PTPRD: variants seen among roughly 807,000 people sequenced by gnomAD.
PTPRD encodes the protein protein tyrosine phosphatase receptor type D, also known as receptor-type tyrosine-protein phosphatase delta.
Under a neutral mutation model 214.5 loss-of-function variants are expected in PTPRD, and 34 were observed. The observed-to-expected ratio is 0.16, with a 90% confidence interval of 0.12 to 0.21. The LOEUF (loss-of-function observed/expected upper bound fraction) is 0.21, where lower values mean the gene tolerates loss of function less well. PTPRD is among the 10% of genes least tolerant of loss of function. The pLI is 1.00. For missense variants in PTPRD, 2,545 were observed against 2,398.7 expected (o/e 1.06, Z -1.27); for synonymous variants, 1,128 against 845.7 (o/e 1.33, Z -5.79).
intron 11 of PTPRD, chr9:8,860,197 G>C (rs556509567): frequency 6.6e-6 from 1 of 152,210 alleles, no homozygotes; most frequent in African/African-American, 2.4e-5. Flanking sequence ...TGTGGGAAAT[G>C]TATCACTCTG....
At chr9:8,677,679 A>C (rs2097457128) in intron 12 of PTPRD, among the ~76,000 whole-genome samples, 1 of 152,210 alleles carries the variant, frequency 6.6e-6, no homozygotes, top group Admixed American at 6.5e-5. Context: ...AGTTTTAAAA[A>C]ATGTGATAGC....
intron 5 of PTPRD, among the ~76,000 whole-genome samples, chr9:9,784,648 C>T (rs2098903066): frequency 6.6e-6 from 1 of 151,904 alleles, no homozygotes. Context: ...TACTGACTCA[C>T]TCAAAGCAAT....
At chr9:8,717,310 G>A (rs559383298) in intron 12 of PTPRD, among the ~76,000 whole-genome samples, 204 of 152,142 alleles carry the variant, frequency 1.3e-3, no homozygotes, top group Non-Finnish European at 1.9e-3. Flanking sequence ...CCCAACCTAC[G>A]TCTCATCCTC....
intron 3 of PTPRD, among the ~76,000 whole-genome samples, chr9:10,210,045 G>A (rs2154340745): frequency 6.6e-6 from 1 of 151,982 alleles, no homozygotes; most frequent in East Asian, 1.9e-4. Context: ...AATTTTAAAA[G>A]GTGAAAAAGT....
At chr9:8,367,949 G>A (rs1459482329) in intron 39 of PTPRD, among the ~76,000 whole-genome samples, 1 of 152,152 alleles carries the variant, frequency 6.6e-6, no homozygotes, top group Non-Finnish European at 1.5e-5. Context: ...GTCTTAGAAA[G>A]ATTGTTTAAT....
At chr9:9,282,846 A>G (rs575311341) in intron 9 of PTPRD, among the ~76,000 whole-genome samples, 2 of 151,640 alleles carry the variant, frequency 1.3e-5, no homozygotes, top group African/African-American at 2.4e-5. Context: ...AATTCAAGCA[A>G]GGTGGCTCCA....
chr9:10,504,115 C>CAACAAAAAAAAA (rs1555439817), intron 2 of PTPRD, among the ~76,000 whole-genome samples: 2 of 26,970 alleles, frequency 7.4e-5, no homozygotes, highest in African/African-American at 3.6e-4. Flanking sequence ...GACTCTGTCT[C>CAACAAAAAAAAA]AAAAAAAAAA....
chr9:8,569,098 C>T (rs1435519508), intron 14 of PTPRD, among the ~76,000 whole-genome samples: 1 of 152,136 alleles, frequency 6.6e-6, no homozygotes, highest in Non-Finnish European at 1.5e-5. Flanking sequence ...CTCTCCCAAA[C>T]TAACACATCT....
chr9:10,321,705 T>C (rs1186418407), intron 3 of PTPRD, among the ~76,000 whole-genome samples: 1 of 152,082 alleles, frequency 6.6e-6, no homozygotes, highest in Non-Finnish European at 1.5e-5. Flanking sequence ...GGTGGGATGA[T>C]ATTTATGTAG....
intron 11 of PTPRD, among the ~76,000 whole-genome samples, chr9:8,791,804 C>A (rs2096247512): frequency 6.6e-6 from 1 of 151,932 alleles, no homozygotes; most frequent in Non-Finnish European, 1.5e-5. Context: ...ACTAGACAGG[C>A]TAAAAGCTCT....
intron 11 of PTPRD, among the ~76,000 whole-genome samples, chr9:8,762,047 G>A (rs1476989442): frequency 1.3e-5 from 2 of 152,168 alleles, no homozygotes; most frequent in Non-Finnish European, 2.9e-5. Context: ...GGGAGATTGA[G>A]ACTGAAGACT....
At chr9:9,554,076 A>C (rs1470476457) in intron 8 of PTPRD, among the ~76,000 whole-genome samples, 1 of 152,082 alleles carries the variant, frequency 6.6e-6, no homozygotes, top group Non-Finnish European at 1.5e-5. Flanking sequence ...AGTTAGATTG[A>C]AACTTCACCT....
chr9:10,569,786 T>G (rs2066851382), intron 2 of PTPRD, among the ~76,000 whole-genome samples: 1 of 152,132 alleles, frequency 6.6e-6, no homozygotes, highest in Non-Finnish European at 1.5e-5. Flanking sequence ...TATATTTTGG[T>G]GTGCTTTACC....
chr9:9,413,586 A>AG (rs1467869677), intron 8 of PTPRD, among the ~76,000 whole-genome samples: 1 of 152,200 alleles, frequency 6.6e-6, no homozygotes, highest in Admixed American at 6.5e-5. Context: ...CAAACTAGAA[A>AG]TTATATAAAC....
At chr9:9,240,532 A>G (rs1035907224) in intron 9 of PTPRD, among the ~76,000 whole-genome samples, 11 of 152,228 alleles carry the variant, frequency 7.2e-5, no homozygotes, top group South Asian at 6.2e-4. Flanking sequence ...TTAGCTGGGC[A>G]TGGTGGCACG....
At chr9:9,029,541 A>T (rs1254249489) in intron 10 of PTPRD, among the ~76,000 whole-genome samples, 1 of 151,920 alleles carries the variant, frequency 6.6e-6, no homozygotes, top group African/African-American at 2.4e-5. Flanking sequence ...GAGACATTAC[A>T]AAAGAAGACT....
chr9:8,825,251 A>G (rs968757512), intron 11 of PTPRD, among the ~76,000 whole-genome samples: 5 of 152,204 alleles, frequency 3.3e-5, no homozygotes, highest in African/African-American at 1.2e-4. Context: ...CCAGTTTTCT[A>G]AAGGGTTTTT....
chr9:9,116,072 G>C (rs1569546458), intron 10 of PTPRD, among the ~76,000 whole-genome samples: 1 of 152,084 alleles, frequency 6.6e-6, no homozygotes. Context: ...GTGACTGGAA[G>C]GAGGGGAAGG....
At chr9:8,341,588 G>T (rs377629522) in intron 40 of PTPRD, 105 bp downstream of exon 40, 7 of 1,302,516 alleles carry the variant, frequency 5.4e-6, no homozygotes, top group African/African-American at 1.5e-5. Context: ...AAGGTCAAAT[G>T]AATCTTGTAC....
Sources: allele counts gnomAD v4.1 joint callset (sites outside exome capture counted in the v4.1 genomes callset), GRCh38; gene constraint gnomAD v4.1.1; transcripts MANE v1.5; gene names NCBI Gene and HGNC (gene_info 2026-07-23, HGNC 2026-07-21).